ARK2C: variants seen among roughly 807,000 people sequenced by gnomAD.
The protein encoded by ARK2C is E3 ubiquitin-protein ligase ARK2C.
chr18:46,395,333 C>T, the ARK2C span, among the ~76,000 whole-genome samples: 575 of 152,312 alleles, frequency 3.8e-3, 3 homozygotes, highest in Middle Eastern at 0.01. Context: ...TTTGTCACTA[C>T]TGACATTTTG....
the ARK2C span, among the ~76,000 whole-genome samples, chr18:46,399,379 T>C: frequency 3.3e-5 from 5 of 152,092 alleles, no homozygotes; most frequent in African/African-American, 1.2e-4. Flanking sequence ...CCATCATGTG[T>C]CCCCCGCCCC....
the ARK2C span, among the ~76,000 whole-genome samples, chr18:46,384,815 G>A: frequency 2.6e-5 from 4 of 152,144 alleles, no homozygotes; most frequent in African/African-American, 7.2e-5. Context: ...CCAGGAGTTC[G>A]AGACCAGCCT....
chr18:46,371,171 CAGGGGAAA>C, the ARK2C span, among the ~76,000 whole-genome samples: 1 of 152,122 alleles, frequency 6.6e-6, no homozygotes, highest in African/African-American at 2.4e-5. Context: ...GAGAACAGTA[CAGGGGAAA>C]CAGCTCCCAT....
chr18:46,365,177 C>A, the ARK2C span, among the ~76,000 whole-genome samples: 1 of 152,190 alleles, frequency 6.6e-6, no homozygotes, highest in Non-Finnish European at 1.5e-5. Flanking sequence ...CTCTTTGGAA[C>A]TTAACCTGGC....
chr18:46,340,502 A>G, the ARK2C span, among the ~76,000 whole-genome samples: 1 of 152,326 alleles, frequency 6.6e-6, no homozygotes, highest in Non-Finnish European at 1.5e-5. Flanking sequence ...CCTGGGGCTT[A>G]TGCTGAGGTT....
At chr18:46,401,626 T>A in the ARK2C span, among the ~76,000 whole-genome samples, 2 of 152,164 alleles carry the variant, frequency 1.3e-5, no homozygotes, top group Non-Finnish European at 2.9e-5. Flanking sequence ...TCTCACTCCC[T>A]CCTGTGATCT....
the ARK2C span, chr18:46,334,337 T>C: frequency 6.3e-7 from 1 of 1,582,576 alleles, no homozygotes; most frequent in Non-Finnish European, 8.6e-7. This position sits in a 1 kb window ranked among gnomAD's most constrained non-coding sequence, Gnocchi z 4.4. Flanking sequence ...GAAACAGAGG[T>C]ATCGCTTTTT....
At chr18:46,438,894 T>C in the ARK2C span, among the ~76,000 whole-genome samples, 1 of 152,210 alleles carries the variant, frequency 6.6e-6, no homozygotes, top group Non-Finnish European at 1.5e-5. Flanking sequence ...AACATTACCA[T>C]GAGGAGCTAC....
the ARK2C span, among the ~76,000 whole-genome samples, chr18:46,391,768 ACACACACTATACAATACAT>A: frequency 3.3e-5 from 5 of 151,922 alleles, no homozygotes; most frequent in African/African-American, 1.2e-4. Context: ...ACACACGCAC[ACACACACTATACAATACAT>A]CCACACACAT....
the ARK2C span, among the ~76,000 whole-genome samples, chr18:46,394,839 A>G: frequency 6.6e-6 from 1 of 152,198 alleles, no homozygotes; most frequent in African/African-American, 2.4e-5. Context: ...GGTTGCAGGT[A>G]TTTTATTACA....
the ARK2C span, among the ~76,000 whole-genome samples, chr18:46,384,444 C>G: frequency 6.6e-6 from 1 of 152,218 alleles, no homozygotes; most frequent in African/African-American, 2.4e-5. Context: ...GGAGGCCCCT[C>G]TTTCTTAAAA....
At chr18:46,345,858 GGTGA>G in the ARK2C span, among the ~76,000 whole-genome samples, 5 of 152,166 alleles carry the variant, frequency 3.3e-5, no homozygotes, top group African/African-American at 7.2e-5. Flanking sequence ...TCCATCCAGG[GGTGA>G]GTGAGAGTAA....
At chr18:46,367,415 A>T in the ARK2C span, among the ~76,000 whole-genome samples, 1 of 152,190 alleles carries the variant, frequency 6.6e-6, no homozygotes, top group East Asian at 1.9e-4. Flanking sequence ...TGTCCATAGT[A>T]GTGACCTGAA....
the ARK2C span, among the ~76,000 whole-genome samples, chr18:46,414,737 G>A: frequency 3.9e-4 from 59 of 152,322 alleles, no homozygotes; most frequent in Non-Finnish European, 5.6e-4. Flanking sequence ...AACACAGCAC[G>A]TGGAATCCTG....
the ARK2C span, among the ~76,000 whole-genome samples, chr18:46,351,903 G>C: frequency 6.6e-6 from 1 of 152,192 alleles, no homozygotes; most frequent in Non-Finnish European, 1.5e-5. Flanking sequence ...GGGATACCAA[G>C]AATGTGAGGT....
the ARK2C span, among the ~76,000 whole-genome samples, chr18:46,360,198 G>A: frequency 7.0e-6 from 1 of 142,356 alleles, no homozygotes; most frequent in Non-Finnish European, 1.5e-5. Flanking sequence ...TTCATTCAAG[G>A]GCTTCCTCCT....
the ARK2C span, among the ~76,000 whole-genome samples, chr18:46,351,416 C>G: frequency 6.6e-6 from 1 of 152,142 alleles, no homozygotes; most frequent in Non-Finnish European, 1.5e-5. Context: ...AAGACAAGAT[C>G]AAGAGCTGGC....
At chr18:46,455,572 C>T in the ARK2C span, among the ~76,000 whole-genome samples, 1 of 152,020 alleles carries the variant, frequency 6.6e-6, no homozygotes. Flanking sequence ...CAAGGTGGCT[C>T]ACATCTATAA....
At chr18:46,345,221 C>A in the ARK2C span, among the ~76,000 whole-genome samples, 1 of 151,810 alleles carries the variant, frequency 6.6e-6, no homozygotes, top group South Asian at 2.1e-4. Context: ...GAGTCCAGCC[C>A]TCTTCCTGCC....
Sources: gnomAD v4.1 joint callset for allele counts (sites outside exome capture counted in the v4.1 genomes callset) on GRCh38, gnomAD v4.1.1 for gene constraint, Gnocchi (gnomAD v3.1) non-coding constraint, MANE v1.5 for transcripts, NCBI Gene and HGNC (gene_info 2026-07-23, HGNC 2026-07-21) for gene names.